KRT12: variants seen among roughly 807,000 people sequenced by gnomAD.
KRT12 encodes keratin 12, also known as keratin, type I cytoskeletal 12.
In KRT12, 43 loss-of-function variants were observed where a neutral mutation model predicts 50.2. That is an observed-to-expected ratio of 0.86 (90% confidence interval 0.67 to 1.11). The LOEUF is 1.11. KRT12 is among the 50% of genes least tolerant of loss of function. The pLI is 0.00. For synonymous variants in KRT12, 257 were observed against 253.6 expected, an observed-to-expected ratio of 1.01 and a Z score of -0.13; for missense variants, 588 against 625.6, an observed-to-expected ratio of 0.94 and a Z score of 0.64.
rs548647814 is a variant in KRT12, at chr17:40,862,093, G to T, written c.1388-335C>A. Among the ~76,000 whole-genome samples, 5 of 151,962 alleles carry T rather than the reference G, an allele frequency of 3.3e-5. No homozygotes were observed. The South Asian group carries it at 8.3e-4, about 25-fold the overall frequency. On this transcript the variant is annotated intron_variant, in intron 7 of 7. Transcript: ENST00000251643. ...TTTAATTTTAATTTTCTTAAAGACA[G>T]GGTCTGGCTCTGTTGCCCAGGTAGG...
At position 40,863,067 on chromosome 17, in the gene KRT12, G is replaced by T; in HGVS notation, c.1316+56C>A. On this transcript the variant is annotated intron_variant, in intron 6 of 7. Transcript: ENST00000251643. This position sits in a 1 kb window ranked among gnomAD's most constrained non-coding sequence, Gnocchi z 4.2. Reference sequence around the variant, plus strand: ...CTAAAACCCCATTCCTTCTATTTCTGCTGCCCACTCTTGGTCAGCCCCTGA... The same window carrying T: ...CTAAAACCCCATTCCTTCTATTTCTTCTGCCCACTCTTGGTCAGCCCCTGA... 7.0e-7 allele frequency: 1 copy of T among 1,438,230 alleles called. No homozygotes were observed. 89.1% of individuals were successfully genotyped at this position (1,438,230 alleles called of 1,614,324 possible).
In KRT12 at chr17:40,863,716, C is replaced by T; in HGVS notation, c.956G>A (p.Trp319Ter). The change falls in exon 4 of 8, where the codon TGG (tryptophan) becomes TAG (stop). Residue 319 changes from tryptophan (W) to a stop codon, truncating the protein, a stop_gained. Coordinates refer to ENST00000251643, the MANE Select transcript of KRT12 (RefSeq NM_000223.4). LOFTEE classifies it high-confidence loss of function. The surrounding 1 kb of genome is among the most constrained non-coding windows in gnomAD (Gnocchi z 4.2). ...TGTTTGTGTTACCTTTTCAATGAAC[C>T]AGGCTTCAGCGTCCTTCCGATTCTG... Reference protein sequence around the residue: ...AEQNRKDAEAWFIEKSGELRK... With the variant: ...AEQNRKDAEA 1.9e-6 allele frequency: 3 copies of T among 1,613,910 alleles called. No homozygotes were observed. Among genetic ancestry groups the T allele is most frequent in the Non-Finnish European group, 2.5e-6 (3 of 1,180,024 alleles).
chr17:40,863,294 G>A lies in KRT12; in HGVS notation c.1145C>T (p.Ala382Val), dbSNP rs1906874530. ...GAGCTGCTGCACCTGGGACAGCTGC[G>A]CGCAGTAATCGCCCTCGGCTTCGGC... is the stretch of plus-strand genomic sequence containing the variant. ...SLAEAEGDYC[A>V]QLSQVQQLIS... Residue 382 changes from alanine (A) to valine (V), a missense_variant, in exon 6 of 8, where the codon GCG becomes GTG. Physicochemically the swap from Ala to Val is moderately conservative, Grantham distance 64. Coordinates refer to ENST00000251643, the MANE Select transcript of KRT12 (RefSeq NM_000223.4). This position sits in a 1 kb window ranked among gnomAD's most constrained non-coding sequence, Gnocchi z 4.2. 2 of 1,613,980 alleles carry A rather than the reference G, an allele frequency of 1.2e-6. No individual in the cohort carries two copies. The highest frequency in any genetic ancestry group is 8.5e-7 in the Non-Finnish European group (1 of 1,179,986).
rs779005967 is a variant in KRT12 at position 40,864,911 on chromosome 17, G to C, written c.702C>G (p.Gly234=). The change falls in exon 3 of 8, where the codon GGC becomes GGG. Residue 234 remains glycine (G), a synonymous_variant. Coordinates refer to ENST00000251643, the MANE Select transcript of KRT12 (RefSeq NM_000223.4). The part of the protein sequence containing the change: ...LRQGVEADIN[G]LRRVLDELTL... Reference sequence around the variant, plus strand: ...TCAGCTCGTCCAGCACCCGGCGCAGGCCATTGATGTCGGCCTCTACGCCCT... The same window carrying C: ...TCAGCTCGTCCAGCACCCGGCGCAGCCCATTGATGTCGGCCTCTACGCCCT... 6.2e-7 allele frequency: 1 copy of C among 1,614,248 alleles called. No individual in the cohort carries two copies. The highest frequency in any genetic ancestry group is 8.5e-7 in the Non-Finnish European group (1 of 1,180,038).
Position 40,866,918 on chromosome 17 carries a change from C to T in KRT12, c.269G>A (p.Gly90Asp). 1 of 1,613,564 alleles carries T rather than the reference C, an allele frequency of 6.2e-7. No individual in the cohort carries two copies. ...GLGAGYGRAL[G>D]GGSFGGLGMG... ...CCCCAGCCCTCCAAAGCTACCTCCA[C>T]CCAGGGCTCTCCCATAACCAGCACC... Residue 90 changes from glycine (G) to aspartate (D), a missense_variant, in exon 1 of 8, where the codon GGT becomes GAT. Gly to Asp is a moderately conservative substitution (Grantham distance 94, BLOSUM62 -1). Coordinates refer to ENST00000251643, the MANE Select transcript of KRT12 (RefSeq NM_000223.4).
intron 6 of KRT12, among the ~76,000 whole-genome samples, chr17:40,862,847 GAGTA>G (rs1189219901): frequency 6.6e-6 from 1 of 152,182 alleles, no homozygotes; most frequent in Non-Finnish European, 1.5e-5. Flanking sequence ...ATCAGAAATT[GAGTA>G]AGTGACTTTT....
intron 2 of KRT12, 106 bp from the exon 3 acceptor site, chr17:40,865,068 A>C: frequency 1.1e-5 from 13 of 1,177,040 alleles, no homozygotes; most frequent in Non-Finnish European, 1.4e-5. Flanking sequence ...CTACTTAATA[A>C]TGGCAGCATT....
At position 40,863,517 on chromosome 17, in the gene KRT12, G is replaced by A; in HGVS notation, c.1063C>T (p.Leu355=). The change falls in exon 5 of 8, where the codon CTG becomes TTG. Residue 355 remains leucine (L), a synonymous_variant. Transcript: ENST00000251643. The surrounding 1 kb of genome is among the most constrained non-coding windows in gnomAD (Gnocchi z 4.2). ...AGCTGGGACTGTAGCTCGATCTCCA[G>A]GTTCTGAAAGGCGCGACGCAGGTCG... The part of the protein sequence containing the change: ...VTDLRRAFQN[L]EIELQSQLAM... The A allele has an allele frequency of 6.2e-7, 1 of 1,614,256 alleles. No individual in the cohort carries two copies. The highest frequency in any genetic ancestry group is 8.5e-7 in the Non-Finnish European group (1 of 1,180,050).
rs752143093 is a variant in KRT12 at position 40,867,141 on chromosome 17, C to T, written c.46G>A (p.Gly16Arg). The change falls in exon 1 of 8, where the codon GGA becomes AGA. Residue 16 changes from glycine (G) to arginine (R), a missense_variant. Transcript: ENST00000251643. ...NTMSLSVRTP[G>R]LSRRLSSQSV... ...TGCGAGGAGAGCCGCCGGGACAGTC[C>T]GGGGGTGCGCACTGAGAGTGACATG... is the stretch of plus-strand genomic sequence containing the variant. 18 of 1,611,620 alleles carry T rather than the reference C, an allele frequency of 1.1e-5. No homozygotes were observed. Among genetic ancestry groups the T allele is most frequent in the East Asian group, 6.7e-5 (3 of 44,890 alleles).
chr17:40,864,785 A>T (rs1391976617), intron 3 of KRT12, 21 bp downstream of exon 3: 8 of 1,611,716 alleles, frequency 5.0e-6, no homozygotes, highest in Non-Finnish European at 5.9e-6. Flanking sequence ...TAGCTGAGTG[A>T]GGCTGCCCTG....
chr17:40,863,659 A>C lies in KRT12; in HGVS notation c.969+44T>G. On this transcript the variant is annotated intron_variant, in intron 4 of 7. Coordinates refer to ENST00000251643, the MANE Select transcript of KRT12 (RefSeq NM_000223.4). The surrounding 1 kb of genome is among the most constrained non-coding windows in gnomAD (Gnocchi z 4.2). The stretch of plus-strand genomic sequence containing the variant: ...GGGCTCGAGCGCTGAGCTCGTTCGC[A>C]GGCCTTTCTGTGAATGTATCAAAGC... 6.2e-7 allele frequency: 1 copy of C among 1,614,218 alleles called. No homozygotes were observed. The highest frequency in any genetic ancestry group is 2.2e-5 in the East Asian group (1 of 44,894).
At chr17:40,861,811 C>G in intron 7 of KRT12, 53 bp from the exon 8 acceptor site, 1 of 1,130,328 alleles carries the variant, frequency 8.8e-7, no homozygotes, top group Admixed American at 1.7e-5. Context: ...AAATATTAAT[C>G]CAACACTGGT....
chr17:40,866,483 C>G, intron 1 of KRT12, 137 bp downstream of exon 1: 1 of 801,802 alleles, frequency 1.2e-6, no homozygotes, highest in Non-Finnish European at 2.0e-6. Context: ...TGGAGTGAAA[C>G]AACCTGGGAT....
At chr17:40,862,337 C>A (rs1906833082) in intron 7 of KRT12, among the ~76,000 whole-genome samples, 1 of 152,116 alleles carries the variant, frequency 6.6e-6, no homozygotes, top group Non-Finnish European at 1.5e-5. Flanking sequence ...GTTCCCGAAG[C>A]TATGAGGTTA....
Position 40,863,810 on chromosome 17 carries a change from C to A in KRT12, c.862G>T (p.Ala288Ser), listed in dbSNP as rs755608726. Residue 288 changes from alanine to serine, a missense_variant, in exon 4 of 8, where the codon GCT (alanine) becomes TCT (serine). Coordinates refer to ENST00000251643, the MANE Select transcript of KRT12 (RefSeq NM_000223.4). The surrounding 1 kb of genome is among the most constrained non-coding windows in gnomAD (Gnocchi z 4.2). Reference sequence around the variant, plus strand: ...CTGGTGAGGTCCACTCCGGGGGCAGCGTCCATTTCTACGCTGACCTCGCCT... The same window carrying A: ...CTGGTGAGGTCCACTCCGGGGGCAGAGTCCATTTCTACGCTGACCTCGCCT... ...GPGEVSVEMD[A>S]APGVDLTRLL... is the part of the protein sequence containing the mutation. 1.2e-6 allele frequency: 2 copies of A among 1,612,146 alleles called. No homozygotes were observed. Among genetic ancestry groups the A allele is most frequent in the South Asian group, 1.1e-5 (1 of 91,018 alleles).
Position 40,863,081 on chromosome 17 carries a change from G to A in KRT12, c.1316+42C>T, listed in dbSNP as rs774636405. On this transcript the variant is annotated intron_variant, in intron 6 of 7. Transcript: ENST00000251643. This position sits in a 1 kb window ranked among gnomAD's most constrained non-coding sequence, Gnocchi z 4.2. ...CTTCTATTTCTGCTGCCCACTCTTG[G>A]TCAGCCCCTGAAGGTGTTTACAGCC... 1 of 1,555,138 alleles carries A rather than the reference G, an allele frequency of 6.4e-7. No homozygotes were observed. Among genetic ancestry groups the A allele is most frequent in the South Asian group, 1.1e-5 (1 of 89,884 alleles).
Position 40,863,902 on chromosome 17 carries a change from C to T in KRT12, c.808-38G>A, listed in dbSNP as rs761033493. ...TGTGAGAGAGAGGGGCACAGGGGTC[C>T]ATTGTGACTTTCGTGGGCCCTGGAT... On this transcript the variant is annotated intron_variant, in intron 3 of 7. Coordinates refer to ENST00000251643, the MANE Select transcript of KRT12 (RefSeq NM_000223.4). The surrounding 1 kb of genome is among the most constrained non-coding windows in gnomAD (Gnocchi z 4.2). 6.6e-7 allele frequency: 1 copy of T among 1,507,296 alleles called. No individual in the cohort carries two copies. The highest frequency in any genetic ancestry group is 8.8e-7 in the Non-Finnish European group (1 of 1,131,720). The allele number at this position is 1,507,296 out of a possible 1,614,324, so 93.4% of individuals were successfully genotyped here.
chr17:40,866,934 A>G lies in KRT12; in HGVS notation c.253T>C (p.Tyr85His). Reference protein sequence around the residue: ...SSMAGGLGAGYGRALGGGSFG... With the variant: ...SSMAGGLGAGHGRALGGGSFG... The stretch of plus-strand genomic sequence containing the variant: ...CTACCTCCACCCAGGGCTCTCCCAT[A>G]ACCAGCACCCAGTCCTCCTGCCATG... The change falls in exon 1 of 8, where the codon TAT becomes CAT. Residue 85 changes from tyrosine to histidine, a missense_variant. Transcript: ENST00000251643. 2 of 1,611,230 alleles carry G rather than the reference A, an allele frequency of 1.2e-6. No homozygotes were observed. Among genetic ancestry groups the G allele is most frequent in the Non-Finnish European group, 1.7e-6 (2 of 1,178,692 alleles).
chr17:40,863,903 A>G lies in KRT12; in HGVS notation c.808-39T>C, dbSNP rs1227849830. Reference sequence around the variant, plus strand: ...GTGAGAGAGAGGGGCACAGGGGTCCATTGTGACTTTCGTGGGCCCTGGATA... The same window carrying G: ...GTGAGAGAGAGGGGCACAGGGGTCCGTTGTGACTTTCGTGGGCCCTGGATA... On this transcript the variant is annotated intron_variant, in intron 3 of 7. Transcript: ENST00000251643. This position sits in a 1 kb window ranked among gnomAD's most constrained non-coding sequence, Gnocchi z 4.2. 1 of 1,504,412 alleles carries G rather than the reference A, an allele frequency of 6.6e-7. No individual in the cohort carries two copies. The highest frequency in any genetic ancestry group is 8.8e-7 in the Non-Finnish European group (1 of 1,131,216). 93.2% of individuals were successfully genotyped at this position (1,504,412 alleles called of 1,614,324 possible). A position where few individuals can be genotyped will look rare whatever the true frequency, so the allele number is the denominator to read the frequency against.
Sources: gnomAD v4.1 joint callset for allele counts (sites outside exome capture counted in the v4.1 genomes callset) on GRCh38, gnomAD v4.1.1 for gene constraint, Gnocchi (gnomAD v3.1) non-coding constraint, MANE v1.5 for transcripts, NCBI Gene and HGNC (gene_info 2026-07-23, HGNC 2026-07-21) for gene names.